Variants in PLCB4 observed in about 807,000 individuals in gnomAD.
The protein encoded by PLCB4 is phospholipase C beta 4, also known as 1-phosphatidylinositol 4,5-bisphosphate phosphodiesterase beta-4.
Under a neutral mutation model 178.8 loss-of-function variants are expected in PLCB4, and 77 were observed. The observed-to-expected ratio is 0.43, with a 90% CI of 0.36 to 0.52. The LOEUF (loss-of-function observed/expected upper bound fraction) is 0.52. Ranked by LOEUF, PLCB4 falls within the 20% of genes least tolerant of loss-of-function variation. PLCB4 has a pLI of 0.00. For missense variants in PLCB4, 1,024 were observed against 1,453.4 expected, an observed-to-expected ratio of 0.70 and a Z score of 4.80; for synonymous variants, 496 against 490.8, an observed-to-expected ratio of 1.01 and a Z score of -0.14.
chr20:9,287,952 G>A (rs994995572), intron 3 of PLCB4, among the ~76,000 whole-genome samples: 7 of 151,980 alleles, frequency 4.6e-5, no homozygotes, highest in African/African-American at 1.7e-4. Context: ...TTTTCCTTTT[G>A]CACCAGTGAG....
intron 2 of PLCB4, among the ~76,000 whole-genome samples, chr20:9,168,451 G>A (rs1479048372): frequency 6.6e-6 from 1 of 152,182 alleles, no homozygotes; most frequent in East Asian, 1.9e-4. Flanking sequence ...CTCGGTCTGT[G>A]GGCTTGTTAT....
At chr20:9,091,171 A>G (rs984643346) in intron 1 of PLCB4, among the ~76,000 whole-genome samples, 3 of 151,956 alleles carry the variant, frequency 2.0e-5, no homozygotes, top group Non-Finnish European at 2.9e-5. Flanking sequence ...CTGTTGACTC[A>G]TAAGTTTCTT....
chr20:9,089,952 A>T (rs2090603175), intron 1 of PLCB4, among the ~76,000 whole-genome samples: 2 of 152,168 alleles, frequency 1.3e-5, no homozygotes, highest in Admixed American at 6.6e-5. Flanking sequence ...TTCAAGGTAT[A>T]CTTTAAGCAA....
At chr20:9,411,204 T>C (rs955218182) in intron 25 of PLCB4, 116 bp downstream of exon 25, 1 of 702,528 alleles carries the variant, frequency 1.4e-6, no homozygotes, top group Non-Finnish European at 2.5e-6. Flanking sequence ...GTTTGAGGGA[T>C]GGAATAGAAA....
intron 2 of PLCB4, among the ~76,000 whole-genome samples, chr20:9,137,146 G>A (rs1407739949): frequency 6.6e-6 from 1 of 151,980 alleles, no homozygotes. Context: ...TCAGGCCTAG[G>A]ACACGTCATA....
chr20:9,090,225 A>ATGTGTGTGTGTGTGTGTG (rs11087835), intron 1 of PLCB4, among the ~76,000 whole-genome samples: 15 of 149,518 alleles, frequency 1.0e-4, no homozygotes, highest in African/African-American at 1.5e-4. Context: ...AATACTATTT[A>ATGTGTGTGTGTGTGTGTG]TGTGTGTGTG....
intron 2 of PLCB4, among the ~76,000 whole-genome samples, chr20:9,097,008 C>T (rs1215114096): frequency 6.6e-6 from 1 of 151,864 alleles, no homozygotes; most frequent in African/African-American, 2.4e-5. Flanking sequence ...GATCTTGGCT[C>T]ACTGCAACCT....
intron 2 of PLCB4, among the ~76,000 whole-genome samples, chr20:9,160,892 G>A (rs1377009087): frequency 1.3e-5 from 2 of 152,140 alleles, no homozygotes; most frequent in Non-Finnish European, 2.9e-5. Flanking sequence ...GCATGAAAAG[G>A]ACTTTTATTA....
At chr20:9,478,865 A>T in intron 39 of PLCB4, 56 bp from the exon 40 acceptor site, 1 of 1,293,448 alleles carries the variant, frequency 7.7e-7, no homozygotes, top group African/African-American at 1.5e-5. Context: ...CAGGGTTGTT[A>T]AGTGCCTTCA....
intron 20 of PLCB4, among the ~76,000 whole-genome samples, chr20:9,402,083 G>A (rs914162598): frequency 3.9e-5 from 6 of 152,172 alleles, no homozygotes; most frequent in Admixed American, 2.0e-4. Flanking sequence ...CATAGTCTAG[G>A]CCATAATGAC....
At chr20:9,381,313 G>T (rs1268600333) in intron 13 of PLCB4, among the ~76,000 whole-genome samples, 2 of 152,050 alleles carry the variant, frequency 1.3e-5, no homozygotes, top group African/African-American at 4.8e-5. Flanking sequence ...TGGCCTCCTG[G>T]GCCTCAGTTT....
intron 14 of PLCB4, 28 bp from the exon 15 acceptor site, chr20:9,387,435 C>T: frequency 8.8e-7 from 1 of 1,131,646 alleles, no homozygotes; most frequent in Non-Finnish European, 1.3e-6. Flanking sequence ...TGTAAAGTTT[C>T]AATATTGTAA....
intron 1 of PLCB4, among the ~76,000 whole-genome samples, chr20:9,069,440 T>C (rs144365526): frequency 1.6e-3 from 243 of 152,210 alleles, no homozygotes; most frequent in African/African-American, 5.5e-3. Context: ...CCTCAGACTC[T>C]CTCCAGACGT....
chr20:9,197,291 C>G (rs1308844849), intron 2 of PLCB4, among the ~76,000 whole-genome samples: 2 of 152,184 alleles, frequency 1.3e-5, no homozygotes, highest in African/African-American at 4.8e-5. Context: ...TTTCCTAGGA[C>G]CTGTGCTGTC....
intron 3 of PLCB4, among the ~76,000 whole-genome samples, chr20:9,219,902 AT>A (rs1568970798): frequency 2.0e-5 from 3 of 152,116 alleles, no homozygotes; most frequent in South Asian, 2.1e-4. Flanking sequence ...TTCTAAATGT[AT>A]TTTTTAAGGC....
chr20:9,159,178 G>A (rs1359444029), intron 2 of PLCB4, among the ~76,000 whole-genome samples: 1 of 152,116 alleles, frequency 6.6e-6, no homozygotes, highest in Non-Finnish European at 1.5e-5. Flanking sequence ...TTTTATCCAA[G>A]TTATTATCTA....
At chr20:9,435,183 C>A (rs968637108) in intron 28 of PLCB4, among the ~76,000 whole-genome samples, 1 of 152,170 alleles carries the variant, frequency 6.6e-6, no homozygotes, top group Non-Finnish European at 1.5e-5. Context: ...TGGTATCCAC[C>A]CTAATTTCCA....
chr20:9,208,045 C>T (rs934047476), intron 2 of PLCB4, among the ~76,000 whole-genome samples: 16 of 152,142 alleles, frequency 1.1e-4, no homozygotes, highest in Non-Finnish European at 2.4e-4. Context: ...GGACATGAGC[C>T]GTATCTGTCT....
chr20:9,307,492 A>AATAT (rs145140014), intron 3 of PLCB4, among the ~76,000 whole-genome samples: 2,291 of 88,580 alleles, frequency 0.026, 48 homozygotes, highest in African/African-American at 0.042. Flanking sequence ...TTAAAAAAAG[A>AATAT]ATACACACAC....
Sources: allele counts gnomAD v4.1 joint callset (sites outside exome capture counted in the v4.1 genomes callset), GRCh38; gene constraint gnomAD v4.1.1; transcripts MANE v1.5; gene names NCBI Gene and HGNC (gene_info 2026-07-23, HGNC 2026-07-21).